The following RGS6 variants were observed in gnomAD, a reference collection of about 807,000 sequenced individuals.
The protein encoded by RGS6 is regulator of G protein signaling 6.
RGS6 carries 30 observed loss-of-function variants against 78.5 expected under a neutral mutation model. That is an observed-to-expected ratio of 0.38 (90% CI 0.29 to 0.52). The LOEUF (loss-of-function observed/expected upper bound fraction) is 0.52. RGS6 is among the 20% of genes least tolerant of loss of function. The pLI is 0.85. For missense variants in RGS6, 495 were observed against 609.7 expected, an observed-to-expected ratio of 0.81 and a Z score of 1.98; for synonymous variants, 206 against 206.0, an observed-to-expected ratio of 1.00 and a Z score of 0.00.
the RGS6 span, chr14:72,619,356 A>C: frequency 6.5e-7 from 1 of 1,536,150 alleles, no homozygotes; most frequent in Non-Finnish European, 8.7e-7. Context: ...CATAAGTGGC[A>C]GCTCCAGCTT....
intron 3 of RGS6, among the ~76,000 whole-genome samples, chr14:72,447,107 A>G (rs1218398976): frequency 3.3e-5 from 5 of 152,146 alleles, no homozygotes; most frequent in Non-Finnish European, 7.4e-5. Context: ...CCTGTGGTGC[A>G]ATGGAGACTG....
intron 12 of RGS6, among the ~76,000 whole-genome samples, chr14:72,489,862 C>A (rs1286108190): frequency 1.3e-5 from 2 of 152,190 alleles, no homozygotes; most frequent in Non-Finnish European, 2.9e-5. Flanking sequence ...GTTGTTTTAA[C>A]CATTTGTGGT....
At chr14:72,101,727 T>A (rs1281463525) in intron 2 of RGS6, among the ~76,000 whole-genome samples, 1 of 152,218 alleles carries the variant, frequency 6.6e-6, no homozygotes, top group East Asian at 1.9e-4. Context: ...CTGAATTGTG[T>A]ATCTCCAAAA....
At chr14:71,956,397 AGT>A (rs1056886042) in intron 1 of RGS6, among the ~76,000 whole-genome samples, 1 of 151,238 alleles carries the variant, frequency 6.6e-6, no homozygotes, top group Non-Finnish European at 1.5e-5. Context: ...TATATATAAC[AGT>A]GTGTGTGTGT....
chr14:72,483,978 A>G (rs12432358), intron 12 of RGS6, among the ~76,000 whole-genome samples: 14,354 of 151,802 alleles, frequency 0.095, 891 homozygotes, highest in South Asian at 0.18. Context: ...GAAAAAAAAA[A>G]AGCTAGATTA....
intron 2 of RGS6, among the ~76,000 whole-genome samples, chr14:72,261,286 A>T (rs1244755691): frequency 2.0e-5 from 3 of 152,154 alleles, no homozygotes; most frequent in African/African-American, 7.2e-5. Context: ...CCCTGTGTTA[A>T]CCTGAGAAGA....
intron 2 of RGS6, among the ~76,000 whole-genome samples, chr14:72,149,375 A>G (rs1235518200): frequency 6.6e-6 from 1 of 152,188 alleles, no homozygotes; most frequent in Non-Finnish European, 1.5e-5. Flanking sequence ...GTGTTGAAGA[A>G]TTTGACAACA....
intron 2 of RGS6, among the ~76,000 whole-genome samples, chr14:72,137,788 C>G (rs1352797432): frequency 6.6e-6 from 1 of 152,138 alleles, no homozygotes; most frequent in African/African-American, 2.4e-5. Context: ...TGTTTTTGTT[C>G]ACAAACTGAG....
At chr14:72,424,876 T>C (rs1357568425) in intron 3 of RGS6, among the ~76,000 whole-genome samples, 4 of 152,304 alleles carry the variant, frequency 2.6e-5, no homozygotes, top group African/African-American at 9.6e-5. Context: ...TGGAATGTGT[T>C]TGGGGTTTCT....
At chr14:72,487,131 C>A (rs114384859) in intron 12 of RGS6, among the ~76,000 whole-genome samples, 271 of 152,154 alleles carry the variant, frequency 1.8e-3, no homozygotes, top group African/African-American at 6.3e-3. Flanking sequence ...CTTTTCCATG[C>A]AATGATGATG....
intron 2 of RGS6, chr14:71,990,740 C>T (rs1397485708): frequency 4.4e-6 from 2 of 455,882 alleles, no homozygotes; most frequent in Non-Finnish European, 8.8e-6. Flanking sequence ...TTGAGGATCC[C>T]CAAATTGCTA....
At chr14:72,185,458 A>G (rs1015347571) in intron 2 of RGS6, among the ~76,000 whole-genome samples, 1 of 152,192 alleles carries the variant, frequency 6.6e-6, no homozygotes, top group African/African-American at 2.4e-5. Context: ...AAAACTCTTG[A>G]TGAGAGTAAT....
the RGS6 span, among the ~76,000 whole-genome samples, chr14:72,616,409 G>A: frequency 1.3e-5 from 2 of 152,126 alleles, no homozygotes; most frequent in African/African-American, 4.8e-5. Context: ...GCCCATGCAA[G>A]TCATGATTTC....
At chr14:72,330,539 G>C (rs1487790122) in intron 2 of RGS6, among the ~76,000 whole-genome samples, 2 of 152,294 alleles carry the variant, frequency 1.3e-5, no homozygotes, top group Non-Finnish European at 2.9e-5. Context: ...GGAGGTCATA[G>C]GGAGGTTGAA....
chr14:72,520,857 C>T (rs755811487), intron 15 of RGS6, among the ~76,000 whole-genome samples: 29 of 152,342 alleles, frequency 1.9e-4, no homozygotes, highest in Non-Finnish European at 4.0e-4. Context: ...CTCTTTCTGA[C>T]ACAGCCCTAA....
intron 2 of RGS6, among the ~76,000 whole-genome samples, chr14:72,222,751 TACTC>T (rs2047172692): frequency 6.6e-6 from 1 of 152,204 alleles, no homozygotes; most frequent in Non-Finnish European, 1.5e-5. Context: ...TTATTAGTAA[TACTC>T]AATAGGATAA....
chr14:72,352,097 T>C lies in RGS6; in HGVS notation c.87T>C (p.Ile29=), dbSNP rs375026930. 1 of 1,609,538 alleles carries C rather than the reference T, an allele frequency of 6.2e-7. No homozygotes were observed. The highest frequency in any genetic ancestry group is 1.3e-5 in the African/African-American group (1 of 74,796). The stretch of plus-strand genomic sequence containing the variant: ...TTCTTTTCTTTAACCTCTTTCAGAT[T>C]GAAGACATCATTACAAAGATGCAAG... The part of the protein sequence containing the change: ...SSPNMIVYCK[I]EDIITKMQDD... The change falls in exon 3 of 18, where the codon ATT becomes ATC. Residue 29 remains isoleucine, a splice_region_variant and synonymous_variant. Transcript: ENST00000553525.
At chr14:72,246,879 C>G (rs2054342943) in intron 2 of RGS6, among the ~76,000 whole-genome samples, 1 of 148,652 alleles carries the variant, frequency 6.7e-6, no homozygotes, top group Admixed American at 6.8e-5. Context: ...GCACTCCAGC[C>G]TAGGTGACAG....
chr14:72,071,562 A>G (rs2094408625), intron 2 of RGS6, among the ~76,000 whole-genome samples: 1 of 152,202 alleles, frequency 6.6e-6, no homozygotes, highest in African/African-American at 2.4e-5. Flanking sequence ...ACCAATTCTT[A>G]GTATTGTCAG....
Sources: allele counts gnomAD v4.1 joint callset (sites outside exome capture counted in the v4.1 genomes callset), GRCh38; gene constraint gnomAD v4.1.1; transcripts MANE v1.5; gene names NCBI Gene and HGNC (gene_info 2026-07-23, HGNC 2026-07-21).